MAGI2: variants seen among roughly 807,000 people sequenced by gnomAD.
MAGI2 encodes the protein membrane-associated guanylate kinase, WW and PDZ domain-containing protein 2.
MAGI2 carries 35 observed loss-of-function variants against 133.3 expected under a neutral mutation model. The observed-to-expected ratio is 0.26, with a 90% CI of 0.20 to 0.35. MAGI2 has a LOEUF of 0.35. Among genes scored for constraint, MAGI2 ranks in the 10% least tolerant of loss-of-function variants. MAGI2 has a pLI of 1.00. For missense variants in MAGI2, 1,636 were observed against 1,863.4 expected (o/e 0.88, Z 2.25); for synonymous variants, 729 against 710.6 (o/e 1.03, Z -0.41).
rs190965314 is a variant in MAGI2, at chr7:78,233,338, C to T, written c.2047+22605G>A. Reference sequence around the variant, plus strand: ...CAGGAAGACCTCTAGAAGATATGAGCGTCCCGGAAGCCACGGGAGGAAAGA... The same window carrying T: ...CAGGAAGACCTCTAGAAGATATGAGTGTCCCGGAAGCCACGGGAGGAAAGA... On this transcript the variant is annotated intron_variant, in intron 10 of 21. Coordinates refer to ENST00000354212, the MANE Select transcript of MAGI2 (RefSeq NM_012301.4). Among the ~76,000 whole-genome samples the T allele has an allele frequency of 3.2e-4, 48 of 152,172 alleles. 1 individual carries two copies. The highest frequency in any genetic ancestry group is 1.8e-3 in the Admixed American group (28 of 15,264).
intron 10 of MAGI2, among the ~76,000 whole-genome samples, chr7:78,243,253 ACACACACACACACACACTCTCTCT>A (rs1226854987): frequency 2.2e-3 from 91 of 41,016 alleles, no homozygotes; most frequent in African/African-American, 4.5e-3. Context: ...ACACACACAC[ACACACACACACACACACTCTCTCT>A]CTCTCTCTCT....
At chr7:78,514,301 A>G (rs71573390) in intron 4 of MAGI2, among the ~76,000 whole-genome samples, 15,774 of 151,200 alleles carry the variant, frequency 0.1, 1,028 homozygotes, top group Middle Eastern at 0.15. Context: ...TAATAGTAAT[A>G]TTATAATTAC....
intron 2 of MAGI2, among the ~76,000 whole-genome samples, chr7:78,693,520 G>A (rs1283958966): frequency 1.3e-5 from 2 of 152,158 alleles, no homozygotes; most frequent in East Asian, 3.9e-4. Flanking sequence ...CATCACAAAA[G>A]AGAAATTTTT....
intron 3 of MAGI2, among the ~76,000 whole-genome samples, chr7:78,565,209 C>T (rs954679683): frequency 6.6e-6 from 1 of 151,878 alleles, no homozygotes; most frequent in Admixed American, 6.6e-5. Context: ...CACCTGTAAT[C>T]CCAGCTACTC....
intron 3 of MAGI2, among the ~76,000 whole-genome samples, chr7:78,539,253 T>C (rs943789826): frequency 2.0e-5 from 3 of 151,108 alleles, no homozygotes; most frequent in African/African-American, 7.4e-5. Flanking sequence ...ATGACTTTTG[T>C]GCATCTATTG....
chr7:79,005,270 T>G (rs1807321042), intron 2 of MAGI2, among the ~76,000 whole-genome samples: 1 of 152,134 alleles, frequency 6.6e-6, no homozygotes, highest in Admixed American at 6.6e-5. Context: ...TGGCTGAAAA[T>G]TCAAAGAATA....
intron 2 of MAGI2, among the ~76,000 whole-genome samples, chr7:78,801,751 G>A (rs1788074211): frequency 6.6e-6 from 1 of 152,046 alleles, no homozygotes; most frequent in Non-Finnish European, 1.5e-5. Context: ...CATATATCAA[G>A]CACTTTCTGT....
At chr7:79,276,744 G>A (rs150663999) in intron 1 of MAGI2, among the ~76,000 whole-genome samples, 3,184 of 152,168 alleles carry the variant, frequency 0.021, 127 homozygotes, top group African/African-American at 0.072. Flanking sequence ...CAGGCAGATC[G>A]CTTGAGCCCA....
Position 78,336,946 on chromosome 7 carries a change from C to T in MAGI2, c.1408+6832G>A, listed in dbSNP as rs547547697. Reference sequence around the variant, plus strand: ...TGAGTTACTTCTAATTCAACCCCTGCCTATGGAAGCACTTCATGAATAGGT... The same window carrying T: ...TGAGTTACTTCTAATTCAACCCCTGTCTATGGAAGCACTTCATGAATAGGT... On this transcript the variant is annotated intron_variant, in intron 9 of 21. Coordinates refer to ENST00000354212, the MANE Select transcript of MAGI2 (RefSeq NM_012301.4). Among the ~76,000 whole-genome samples the T allele has an allele frequency of 1.6e-4, 24 of 152,192 alleles. 1 individual carries two copies. The South Asian group carries it at 3.1e-3, about 20-fold the overall frequency.
At chr7:78,452,568 T>C (rs1788842167) in intron 6 of MAGI2, among the ~76,000 whole-genome samples, 1 of 151,968 alleles carries the variant, frequency 6.6e-6, no homozygotes, top group East Asian at 1.9e-4. Flanking sequence ...TACCTTTTTC[T>C]GGGAAAAAAA....
At chr7:78,443,758 C>T (rs1449672913) in intron 6 of MAGI2, among the ~76,000 whole-genome samples, 3 of 152,116 alleles carry the variant, frequency 2.0e-5, no homozygotes, top group Non-Finnish European at 2.9e-5. Context: ...GTACATCAGA[C>T]TATGCAGTCA....
At chr7:78,841,037 T>C (rs1008138108) in intron 2 of MAGI2, among the ~76,000 whole-genome samples, 6 of 152,044 alleles carry the variant, frequency 3.9e-5, no homozygotes, top group Admixed American at 1.3e-4. Flanking sequence ...TCTGGCTCTA[T>C]GCCAGAAAGC....
chr7:78,504,707 T>C (rs1794934512), intron 4 of MAGI2, among the ~76,000 whole-genome samples: 1 of 152,330 alleles, frequency 6.6e-6, no homozygotes, highest in Admixed American at 6.5e-5. Flanking sequence ...CAGTATTATA[T>C]AATGATGCCT....
At chr7:79,171,732 C>A (rs1387970168) in intron 1 of MAGI2, among the ~76,000 whole-genome samples, 3 of 72,550 alleles carry the variant, frequency 4.1e-5, no homozygotes, top group Non-Finnish European at 6.0e-5. Flanking sequence ...TTAAGCAAGA[C>A]AATAGCCAAA....
intron 2 of MAGI2, among the ~76,000 whole-genome samples, chr7:78,821,481 A>G (rs1790104939): frequency 6.6e-6 from 1 of 151,996 alleles, no homozygotes; most frequent in African/African-American, 2.4e-5. Context: ...GTAAATGAAA[A>G]CACACGTTTT....
At chr7:78,209,842 G>A (rs1276571494) in intron 10 of MAGI2, among the ~76,000 whole-genome samples, 3 of 152,158 alleles carry the variant, frequency 2.0e-5, no homozygotes, top group Admixed American at 6.5e-5. Flanking sequence ...CTATTCCTTG[G>A]CCAGAGCATG....
intron 9 of MAGI2, among the ~76,000 whole-genome samples, chr7:78,298,873 TG>T (rs1244156180): frequency 7.2e-6 from 1 of 138,772 alleles, no homozygotes; most frequent in African/African-American, 2.8e-5. Flanking sequence ...TGGAGTGCAG[TG>T]GTGCAATCTC....
chr7:79,061,368 G>C (rs538725620), intron 1 of MAGI2, among the ~76,000 whole-genome samples: 1 of 151,504 alleles, frequency 6.6e-6, no homozygotes, highest in Non-Finnish European at 1.5e-5. Context: ...CAAGCTCAAC[G>C]AGGCTGAGAA....
At chr7:78,736,309 C>T (rs561655813) in intron 2 of MAGI2, among the ~76,000 whole-genome samples, 15 of 152,130 alleles carry the variant, frequency 9.9e-5, no homozygotes, top group Non-Finnish European at 1.6e-4. Flanking sequence ...AGATTAGATT[C>T]ATATTCTAAA....
Sources: gnomAD v4.1 joint callset for allele counts (sites outside exome capture counted in the v4.1 genomes callset) on GRCh38, gnomAD v4.1.1 for gene constraint, MANE v1.5 for transcripts, NCBI Gene and HGNC (gene_info 2026-07-23, HGNC 2026-07-21) for gene names.